IRAK3: variants seen among roughly 807,000 people sequenced by gnomAD.
IRAK3 encodes the protein interleukin 1 receptor associated kinase 3.
A neutral mutation model predicts 56.6 loss-of-function variants in IRAK3; 57 were observed. That is an observed-to-expected ratio of 1.01 (90% CI 0.81 to 1.26). The LOEUF (loss-of-function observed/expected upper bound fraction) is 1.26. Among genes scored for constraint, IRAK3 ranks in the 50% most tolerant of loss-of-function variants. IRAK3 has a pLI of 0.00. For synonymous variants in IRAK3, 258 were observed against 255.7 expected (o/e 1.01, Z -0.09); for missense variants, 703 against 719.0 (o/e 0.98, Z 0.25).
intron 6 of IRAK3, among the ~76,000 whole-genome samples, chr12:66,221,243 G>C (rs2052730240): frequency 6.6e-6 from 1 of 152,120 alleles, no homozygotes; most frequent in Non-Finnish European, 1.5e-5. Context: ...TTCTGAATTT[G>C]TTTATTGTTC....
intron 1 of IRAK3, among the ~76,000 whole-genome samples, chr12:66,191,191 G>A (rs555073312): frequency 6.6e-6 from 1 of 152,162 alleles, no homozygotes; most frequent in African/African-American, 2.4e-5. Flanking sequence ...TACCTAAAAG[G>A]GGGTATTTTG....
At chr12:66,197,544 G>A (rs2052466682) in intron 1 of IRAK3, 2 of 985,316 alleles carry the variant, frequency 2.0e-6, no homozygotes, top group South Asian at 9.4e-5. Flanking sequence ...AGGTTGCAGT[G>A]TGAATCACCA....
At chr12:66,193,669 A>T (rs566487778) in intron 1 of IRAK3, among the ~76,000 whole-genome samples, 1 of 149,486 alleles carries the variant, frequency 6.7e-6, no homozygotes, top group East Asian at 2.0e-4. Context: ...TATTTTGTAG[A>T]CTGTTCCTCA....
chr12:66,206,100 C>A (rs1460507704), intron 2 of IRAK3, among the ~76,000 whole-genome samples: 2 of 152,052 alleles, frequency 1.3e-5, no homozygotes, highest in Admixed American at 1.3e-4. Context: ...CATTTTCAAT[C>A]TTCCATTTTA....
chr12:66,202,250 A>G (rs2052515191), intron 1 of IRAK3, among the ~76,000 whole-genome samples: 1 of 152,110 alleles, frequency 6.6e-6, no homozygotes, highest in Non-Finnish European at 1.5e-5. Context: ...ACATACCTAC[A>G]TTTCCTTGCT....
At chr12:66,233,020 A>T (rs1447662811) in intron 8 of IRAK3, among the ~76,000 whole-genome samples, 1 of 151,290 alleles carries the variant, frequency 6.6e-6, no homozygotes, top group Non-Finnish European at 1.5e-5. Flanking sequence ...TATTATTTTT[A>T]AAAAGCCAAA....
chr12:66,234,155 A>G lies in IRAK3; in HGVS notation c.887+5785A>G, dbSNP rs992646792. The G allele has an allele frequency of 2.5e-6, 4 of 1,614,076 alleles. No homozygotes were observed. In the African/African-American group the frequency reaches 5.3e-5, roughly 22 times the overall value. On this transcript the variant is annotated intron_variant, in intron 8 of 11. Transcript: ENST00000261233. ...CTGCTGTTGACCACTTGCCTCCTCA[A>G]CAGGAGCCGCTGTCGTCTGCATATG...
chr12:66,209,552 G>C (rs746468891), intron 3 of IRAK3, 32 bp downstream of exon 3: 67 of 1,281,390 alleles, frequency 5.2e-5, no homozygotes, highest in Non-Finnish European at 7.1e-5. Flanking sequence ...AATGAGCCTT[G>C]AACTTTGTTG....
chr12:66,193,910 A>T (rs1002499462), intron 1 of IRAK3, among the ~76,000 whole-genome samples: 1 of 152,194 alleles, frequency 6.6e-6, no homozygotes, highest in Non-Finnish European at 1.5e-5. Flanking sequence ...CATATGCAGT[A>T]GAGCCTGCTT....
intron 1 of IRAK3, among the ~76,000 whole-genome samples, chr12:66,198,841 A>G (rs753321861): frequency 6.7e-6 from 1 of 149,854 alleles, no homozygotes; most frequent in Admixed American, 6.7e-5. Context: ...CTGTAGCTTC[A>G]ACCTCCTGGG....
At chr12:66,236,579 GGAAAA>G (rs2052910989) in intron 8 of IRAK3, among the ~76,000 whole-genome samples, 1 of 151,054 alleles carries the variant, frequency 6.6e-6, no homozygotes, top group African/African-American at 2.4e-5. Context: ...AAAAAAAAAA[GGAAAA>G]GAAAAAGAAA....
intron 1 of IRAK3, among the ~76,000 whole-genome samples, chr12:66,199,842 A>G (rs2052490047): frequency 1.3e-5 from 2 of 152,222 alleles, no homozygotes; most frequent in Non-Finnish European, 2.9e-5. Flanking sequence ...AAATAACATT[A>G]CCATATTTGG....
At chr12:66,221,259 G>GT (rs1374184915) in intron 6 of IRAK3, among the ~76,000 whole-genome samples, 1 of 152,076 alleles carries the variant, frequency 6.6e-6, no homozygotes, top group Non-Finnish European at 1.5e-5. Flanking sequence ...TGTTCTAACA[G>GT]TTTTTTTGGT....
intron 5 of IRAK3, among the ~76,000 whole-genome samples, chr12:66,214,555 A>AAAACAAAACAAAACG (rs2052647734): frequency 1.3e-5 from 2 of 151,912 alleles, no homozygotes; most frequent in Admixed American, 1.3e-4. Context: ...AAAACAAAAC[A>AAAACAAAACAAAACG]AAACAAAACA....
chr12:66,228,979 G>A (rs1375647552), intron 8 of IRAK3, among the ~76,000 whole-genome samples: 54 of 152,198 alleles, frequency 3.5e-4, no homozygotes, highest in Non-Finnish European at 3.5e-4. Context: ...CATAAGTTGA[G>A]AAGCATCTGT....
chr12:66,242,026 G>A (rs2052975234), intron 8 of IRAK3, among the ~76,000 whole-genome samples: 1 of 152,106 alleles, frequency 6.6e-6, no homozygotes, highest in African/African-American at 2.4e-5. Flanking sequence ...TTCAGCTTTT[G>A]CAGTCTCATG....
intron 1 of IRAK3, among the ~76,000 whole-genome samples, chr12:66,201,064 G>A (rs573623687): frequency 3.2e-4 from 48 of 152,258 alleles, no homozygotes; most frequent in African/African-American, 1.0e-3. Flanking sequence ...TGATCCTCCC[G>A]CCTTGGCCTC....
chr12:66,232,275 G>T (rs1367528852), intron 8 of IRAK3, among the ~76,000 whole-genome samples: 1 of 152,170 alleles, frequency 6.6e-6, no homozygotes, highest in African/African-American at 2.4e-5. Flanking sequence ...ATGTGTCAGG[G>T]TATGGAGATC....
intron 1 of IRAK3, chr12:66,197,798 C>A: frequency 1.0e-6 from 1 of 985,328 alleles, no homozygotes; most frequent in Non-Finnish European, 1.2e-6. Context: ...CCAGCTGAAT[C>A]TCAGAAATGT....
Sources: gnomAD v4.1 joint callset for allele counts (sites outside exome capture counted in the v4.1 genomes callset) on GRCh38, gnomAD v4.1.1 for gene constraint, MANE v1.5 for transcripts, NCBI Gene and HGNC (gene_info 2026-07-23, HGNC 2026-07-21) for gene names.